Variants in TENM2 observed in about 807,000 individuals in gnomAD.
TENM2 encodes the protein teneurin transmembrane protein 2.
TENM2 carries 52 observed loss-of-function variants against 245.2 expected under a neutral mutation model. The observed-to-expected ratio is 0.21, with a 90% CI of 0.17 to 0.27. TENM2 has a LOEUF of 0.27. Among genes scored for constraint, TENM2 ranks in the 10% least tolerant of loss-of-function variants. TENM2 has a pLI of 1.00. For synonymous variants in TENM2, 1,363 were observed against 1,438.9 expected (o/e 0.95, Z 1.19); for missense variants, 3,046 against 3,666.8 (o/e 0.83, Z 4.37).
chr5:167,050,081 C>CCA, the TENM2 span, among the ~76,000 whole-genome samples: 1 of 152,154 alleles, frequency 6.6e-6, no homozygotes, highest in Non-Finnish European at 1.5e-5. Flanking sequence ...TTTAAAACCA[C>CCA]CAACCTGGCT....
At chr5:167,528,811 C>T (rs1171735764) in intron 2 of TENM2, among the ~76,000 whole-genome samples, 4 of 152,140 alleles carry the variant, frequency 2.6e-5, no homozygotes, top group Admixed American at 6.6e-5. Flanking sequence ...ATAACCTCTT[C>T]ACATCCTTGT....
chr5:168,246,828 C>T lies in TENM2; in HGVS notation c.5889C>T (p.Ala1963=), dbSNP rs369251850. 442 of 1,613,814 alleles carry T rather than the reference C, an allele frequency of 2.7e-4. 1 individual carries two copies. The highest frequency in any genetic ancestry group is 3.5e-4 in the Non-Finnish European group (415 of 1,179,884). ...ATGACTCCTCTGACCGCCTCCTTGCCGTCACCATGCCCAGCGTGGCCCGGC... is the reference window on the plus strand; with the variant it reads ...ATGACTCCTCTGACCGCCTCCTTGCTGTCACCATGCCCAGCGTGGCCCGGC... The change falls in exon 27 of 29, where the codon GCC becomes GCT. Residue 1963 remains alanine (A), a synonymous_variant. Coordinates refer to ENST00000518659, the Ensembl canonical transcript of TENM2.
At chr5:167,269,573 A>T in the TENM2 span, among the ~76,000 whole-genome samples, 1 of 152,038 alleles carries the variant, frequency 6.6e-6, no homozygotes, top group Non-Finnish European at 1.5e-5. Context: ...TCATAACAAA[A>T]ATGATGAAAG....
chr5:167,968,158 TG>T (rs1781515548), intron 4 of TENM2, among the ~76,000 whole-genome samples: 1 of 152,214 alleles, frequency 6.6e-6, no homozygotes, highest in East Asian at 1.9e-4. Context: ...TTAGATTTTA[TG>T]GGAATGTTTA....
Position 167,796,466 on chromosome 5 carries a change from T to C in TENM2, c.503-79520T>C, listed in dbSNP as rs79495466. Among the ~76,000 whole-genome samples, 585 of 152,280 alleles carry C rather than the reference T, an allele frequency of 3.8e-3. 26 individuals carry two copies. In the East Asian group the frequency reaches 0.075, roughly 19 times the overall value. ...TCTTCCTTGCTCTTCCTTCTGTACC[T>C]TCATGTACTCAACTCGCAGCAATGA... is the stretch of plus-strand genomic sequence containing the variant. On this transcript the variant is annotated intron_variant, in intron 2 of 28. Transcript: ENST00000518659.
At chr5:167,752,315 T>C (rs55824929) in intron 2 of TENM2, among the ~76,000 whole-genome samples, 9,377 of 148,508 alleles carry the variant, frequency 0.063, 374 homozygotes, top group Middle Eastern at 0.11. Context: ...GGTTTCGCCA[T>C]GTTGGCCATG....
chr5:167,988,809 G>A, intron 4 of TENM2, among the ~76,000 whole-genome samples: 1 of 152,160 alleles, frequency 6.6e-6, no homozygotes, highest in South Asian at 2.1e-4. Flanking sequence ...GATGACATGT[G>A]ACCTAAGCTG....
At chr5:167,328,418 G>T (rs1455874257) in intron 1 of TENM2, among the ~76,000 whole-genome samples, 1 of 151,864 alleles carries the variant, frequency 6.6e-6, no homozygotes, top group African/African-American at 2.4e-5. Context: ...AAGAGATGGG[G>T]TTTCTTAACC....
At chr5:167,558,778 C>T (rs1773409334) in intron 2 of TENM2, among the ~76,000 whole-genome samples, 1 of 151,928 alleles carries the variant, frequency 6.6e-6, no homozygotes, top group African/African-American at 2.4e-5. Flanking sequence ...TTTAGTCATC[C>T]CGAAATCATC....
intron 3 of TENM2, among the ~76,000 whole-genome samples, chr5:167,910,603 A>G (rs1776469812): frequency 6.6e-6 from 1 of 152,096 alleles, no homozygotes; most frequent in Non-Finnish European, 1.5e-5. Context: ...CCATCATTGA[A>G]CTCCACTAAC....
intron 9 of TENM2, among the ~76,000 whole-genome samples, chr5:168,114,319 C>G (rs1794900205): frequency 6.6e-6 from 1 of 152,206 alleles, no homozygotes; most frequent in Admixed American, 6.5e-5. Context: ...TTTCTGGCAT[C>G]AAAACCCTTG....
the TENM2 span, among the ~76,000 whole-genome samples, chr5:166,992,222 A>T: frequency 6.6e-6 from 1 of 152,204 alleles, no homozygotes; most frequent in Non-Finnish European, 1.5e-5. Flanking sequence ...GAAGGAATAT[A>T]TAATGGGTCC....
chr5:167,731,379 C>G (rs1415996202), intron 2 of TENM2, among the ~76,000 whole-genome samples: 1 of 152,000 alleles, frequency 6.6e-6, no homozygotes, highest in African/African-American at 2.4e-5. Flanking sequence ...CTGAGAACAT[C>G]TTTTATCAAG....
At chr5:167,293,976 C>CTGTGTGTGTGTGTGTGTG (rs55869331) in intron 1 of TENM2, among the ~76,000 whole-genome samples, 1 of 148,650 alleles carries the variant, frequency 6.7e-6, no homozygotes, top group Admixed American at 6.7e-5. Flanking sequence ...GATGTGAGTT[C>CTGTGTGTGTGTGTGTGTG]TGTGTGTGTG....
At chr5:167,605,706 A>C (rs1023387273) in intron 2 of TENM2, among the ~76,000 whole-genome samples, 2 of 152,244 alleles carry the variant, frequency 1.3e-5, no homozygotes, top group African/African-American at 4.8e-5. Flanking sequence ...CATTTAGCCC[A>C]TGCTGTAATT....
intron 2 of TENM2, among the ~76,000 whole-genome samples, chr5:167,461,241 T>G (rs1004976235): frequency 1.3e-5 from 2 of 152,144 alleles, no homozygotes; most frequent in Non-Finnish European, 2.9e-5. Context: ...TTAACTTTCT[T>G]TTTTAGGGCA....
chr5:167,855,281 C>T (rs1416014605), intron 2 of TENM2, among the ~76,000 whole-genome samples: 1 of 152,152 alleles, frequency 6.6e-6, no homozygotes, highest in Non-Finnish European at 1.5e-5. Flanking sequence ...GTTATCTTAA[C>T]TGGGAGGTCT....
intron 2 of TENM2, among the ~76,000 whole-genome samples, chr5:167,648,822 A>G (rs1449680767): frequency 6.6e-6 from 1 of 152,162 alleles, no homozygotes; most frequent in African/African-American, 2.4e-5. Context: ...AAACAGTTTG[A>G]AGGCTCTGTT....
At chr5:168,071,132 C>T (rs2152123979) in intron 7 of TENM2, among the ~76,000 whole-genome samples, 2 of 152,276 alleles carry the variant, frequency 1.3e-5, no homozygotes, top group East Asian at 3.9e-4. Context: ...TGACCTTGGG[C>T]AAGTCATTCA....
Sources: gnomAD v4.1 joint callset for allele counts (sites outside exome capture counted in the v4.1 genomes callset) on GRCh38, gnomAD v4.1.1 for gene constraint, MANE v1.5 for transcripts, NCBI Gene and HGNC (gene_info 2026-07-23, HGNC 2026-07-21) for gene names.